Variants in RBM20 observed in about 807,000 individuals in gnomAD.
RBM20 encodes RNA-binding protein 20.
RBM20 carries 51 observed loss-of-function variants against 110.1 expected under a neutral mutation model. That is an observed-to-expected ratio of 0.46 (90% CI 0.37 to 0.59). The LOEUF is 0.59. Among genes scored for constraint, RBM20 ranks in the 20% least tolerant of loss-of-function variants. RBM20 has a pLI of 0.00. For synonymous variants in RBM20, 589 were observed against 618.2 expected (o/e 0.95, Z 0.70); for missense variants, 1,512 against 1,574.9 (o/e 0.96, Z 0.68).
chr10:110,781,063 G>T lies in RBM20; in HGVS notation c.454G>T (p.Val152Phe). 3 of 1,551,850 alleles carry T rather than the reference G, an allele frequency of 1.9e-6. No individual in the cohort carries two copies. Among genetic ancestry groups the T allele is most frequent in the South Asian group, 2.4e-5 (2 of 84,050 alleles). ...CACTGGCCCCCACGGCCATGCTGGG[G>T]TTCCCCAACATGCTGCAGCCATACC... ...VITGPHGHAG[V>F]PQHAAAIPST... Residue 152 changes from valine to phenylalanine, a missense_variant, in exon 2 of 14, where the codon GTT becomes TTT. By Grantham distance (50) the Val-to-Phe change is conservative. Around this residue, in one of 3 missense-constraint regions of RBM20, gnomAD observed 1,149 missense variants for 1,169.4 expected, o/e 0.98. Transcript: ENST00000369519.
At chr10:110,825,484 C>G (rs1289271551) in intron 12 of RBM20, among the ~76,000 whole-genome samples, 1 of 152,200 alleles carries the variant, frequency 6.6e-6, no homozygotes, top group Non-Finnish European at 1.5e-5. Flanking sequence ...TCTCTTCCCT[C>G]CAGTCTCTCC....
rs878854251 is a variant in RBM20, at chr10:110,821,738, C to T, written c.3119C>T (p.Ala1040Val). ...GTGGAGAGCTCAGATGTTCATCCAG[C>T]CCCTACAGTCCAGCAAATGTCTTCC... ...KGVESSDVHP[A>V]PTVQQMSSPK... Residue 1040 changes from alanine (A) to valine (V), a missense_variant, in exon 11 of 14, where the codon GCC (alanine) becomes GTC (valine). This residue lies in a region of RBM20 where 358 missense variants were observed against 384.2 expected (regional missense o/e 0.93). Transcript: ENST00000369519. 6.4e-7 allele frequency: 1 copy of T among 1,551,786 alleles called. No homozygotes were observed. The highest frequency in any genetic ancestry group is 2.4e-5 in the East Asian group (1 of 40,926).
intron 12 of RBM20, among the ~76,000 whole-genome samples, chr10:110,826,207 G>C (rs1227354738): frequency 3.3e-5 from 5 of 152,154 alleles, no homozygotes; most frequent in African/African-American, 1.2e-4. Flanking sequence ...TTCCTAACCA[G>C]TTAGGAAGAA....
intron 5 of RBM20, among the ~76,000 whole-genome samples, chr10:110,796,211 A>G (rs1241500091): frequency 6.6e-6 from 1 of 152,242 alleles, no homozygotes; most frequent in Non-Finnish European, 1.5e-5. Flanking sequence ...TGCTTCTCTG[A>G]AGATAACCAG....
intron 7 of RBM20, among the ~76,000 whole-genome samples, chr10:110,808,249 C>T (rs538124908): frequency 4.6e-5 from 7 of 152,332 alleles, no homozygotes; most frequent in South Asian, 2.1e-4. Context: ...TCTAGCCACA[C>T]GGTGGGGTGG....
intron 7 of RBM20, among the ~76,000 whole-genome samples, chr10:110,802,694 T>G (rs77173077): frequency 0.035 from 5,317 of 152,248 alleles, 288 homozygotes; most frequent in African/African-American, 0.12. Context: ...GATGGTCGAG[T>G]TTTGCTTTCA....
At chr10:110,782,394 A>G (rs899240914) in intron 2 of RBM20, among the ~76,000 whole-genome samples, 6 of 152,272 alleles carry the variant, frequency 3.9e-5, no homozygotes, top group Admixed American at 6.5e-5. Context: ...GAGTCTCATG[A>G]CACCTTCCCG....
At chr10:110,668,557 G>C (rs1001895606) in intron 1 of RBM20, among the ~76,000 whole-genome samples, 1 of 151,960 alleles carries the variant, frequency 6.6e-6, no homozygotes, top group Non-Finnish European at 1.5e-5. Flanking sequence ...ATTGCGAATG[G>C]CCCCAACATA....
At chr10:110,788,883 GT>G in intron 5 of RBM20, among the ~76,000 whole-genome samples, 1 of 152,120 alleles carries the variant, frequency 6.6e-6, no homozygotes, top group Admixed American at 6.5e-5. Context: ...CCAGTGAGTT[GT>G]TTTTGCATAT....
rs567683701 is a variant in RBM20, at chr10:110,758,983, C to T, written c.192-21818C>T. On this transcript the variant is annotated intron_variant, in intron 1 of 13. Transcript: ENST00000369519. ...TCTGTTTTATGGGCCTCTGGAGAAC[C>T]TACAAAGGAATAACAGTTAACCAGA... 7.9e-5 allele frequency among the ~76,000 whole-genome samples: 12 copies of T among 152,226 alleles called. 1 individual carries two copies. The South Asian group carries it at 2.3e-3, about 29-fold the overall frequency.
intron 1 of RBM20, among the ~76,000 whole-genome samples, chr10:110,687,620 C>T (rs1365668696): frequency 1.3e-5 from 2 of 152,162 alleles, no homozygotes; most frequent in African/African-American, 4.8e-5. Flanking sequence ...ACAGAAATCT[C>T]GTGATTTTGC....
intron 5 of RBM20, among the ~76,000 whole-genome samples, chr10:110,795,804 G>A (rs1844543342): frequency 1.3e-5 from 2 of 152,156 alleles, no homozygotes; most frequent in African/African-American, 4.8e-5. Flanking sequence ...GCTGATTAAG[G>A]TTTGCACAAA....
At chr10:110,826,205 C>T (rs1344971536) in intron 12 of RBM20, among the ~76,000 whole-genome samples, 1 of 152,174 alleles carries the variant, frequency 6.6e-6, no homozygotes, top group African/African-American at 2.4e-5. Context: ...CTTTCCTAAC[C>T]AGTTAGGAAG....
chr10:110,688,558 C>T (rs935181979), intron 1 of RBM20, among the ~76,000 whole-genome samples: 9 of 152,102 alleles, frequency 5.9e-5, no homozygotes, highest in Admixed American at 5.9e-4. Context: ...AAAAGTAAAG[C>T]AGATATAGTT....
At position 110,835,854 on chromosome 10, in the gene RBM20, T is replaced by A; in HGVS notation, c.3574-14T>A. The A allele has an allele frequency of 1.9e-6, 3 of 1,550,482 alleles. No homozygotes were observed. Among genetic ancestry groups the A allele is most frequent in the Non-Finnish European group, 2.6e-6 (3 of 1,146,154 alleles). On this transcript the variant is annotated splice_polypyrimidine_tract_variant and intron_variant, in intron 13 of 13. Transcript: ENST00000369519. ...AACATGCCCCTTCCTCCACTTCCCCTCTTCTTTCCACAGAAATATTTGTCC... is the reference window on the plus strand; with the variant it reads ...AACATGCCCCTTCCTCCACTTCCCCACTTCTTTCCACAGAAATATTTGTCC...
Position 110,797,636 on chromosome 10 carries a change from G to A in RBM20, c.1656G>A (p.Lys552=), listed in dbSNP as rs1159672633. 5 of 1,551,668 alleles carry A rather than the reference G, an allele frequency of 3.2e-6. No individual in the cohort carries two copies. The highest frequency in any genetic ancestry group is 3.5e-6 in the Non-Finnish European group (4 of 1,147,002). The stretch of plus-strand genomic sequence containing the variant: ...AGGTCACTAATTACATCCTCATGAA[G>A]TCGACTAATCAGGTAGGTCTGGGTA... ...FGKVTNYILM[K]STNQAFLEMA... The change falls in exon 6 of 14, where the codon AAG becomes AAA. Residue 552 remains lysine (K), a synonymous_variant. Coordinates refer to ENST00000369519, the MANE Select transcript of RBM20 (RefSeq NM_001134363.3).
Position 110,781,558 on chromosome 10 carries a change from A to G in RBM20, c.949A>G (p.Ser317Gly), listed in dbSNP as rs1419357821. Residue 317 changes from serine to glycine, a missense_variant, in exon 2 of 14, where the codon AGC (serine) becomes GGC (glycine). Coordinates refer to ENST00000369519, the MANE Select transcript of RBM20 (RefSeq NM_001134363.3). ...CGGGCCACTGCTGCAGGGCACAAAC[A>G]GCCAATGGGAGAGCCCCCATGGATT... The part of the protein sequence containing the change: ...EVGPLLQGTN[S>G]QWESPHGFSG... The G allele has an allele frequency of 6.4e-7, 1 of 1,551,704 alleles. No homozygotes were observed.
At chr10:110,698,183 C>T (rs1439274302) in intron 1 of RBM20, among the ~76,000 whole-genome samples, 1 of 152,224 alleles carries the variant, frequency 6.6e-6, no homozygotes, top group African/African-American at 2.4e-5. Flanking sequence ...GCTGGGATTA[C>T]AGGCGTGAGC....
At chr10:110,765,020 A>C (rs1844061194) in intron 1 of RBM20, among the ~76,000 whole-genome samples, 1 of 152,078 alleles carries the variant, frequency 6.6e-6, no homozygotes, top group African/African-American at 2.4e-5. Context: ...AATGATTCAC[A>C]ACGGCAGTTT....
Sources: allele counts gnomAD v4.1 joint callset (sites outside exome capture counted in the v4.1 genomes callset), GRCh38; gene constraint gnomAD v4.1.1; regional missense constraint gnomAD v4.1.1; transcripts MANE v1.5; gene names NCBI Gene and HGNC (gene_info 2026-07-23, HGNC 2026-07-21).